NCK2: variants seen among roughly 807,000 people sequenced by gnomAD.
NCK2 encodes the protein cytoplasmic protein NCK2.
In NCK2, 16 loss-of-function variants were observed where a neutral mutation model predicts 33.9. That is an observed-to-expected ratio of 0.47 (90% CI 0.32 to 0.72). NCK2 has a LOEUF of 0.72. NCK2 is among the 30% of genes least tolerant of loss of function. The pLI is 0.03. For synonymous variants in NCK2, 273 were observed against 239.9 expected, an observed-to-expected ratio of 1.14 and a Z score of -1.27; for missense variants, 418 against 537.3, an observed-to-expected ratio of 0.78 and a Z score of 2.19.
chr2:105,883,954 C>T (rs1468376217), intron 4 of NCK2, among the ~76,000 whole-genome samples: 2 of 152,144 alleles, frequency 1.3e-5, no homozygotes, highest in East Asian at 3.8e-4. Flanking sequence ...ATAGCAGCAC[C>T]GTCTTTGTCT....
At chr2:105,851,654 T>C (rs949806757) in intron 2 of NCK2, 2 of 152,390 alleles carry the variant, frequency 1.3e-5, no homozygotes, top group African/African-American at 2.4e-5. Flanking sequence ...CTTTAGCTAC[T>C]GAGGCGTGAT....
At chr2:105,817,260 T>C (rs1333454962) in intron 2 of NCK2, among the ~76,000 whole-genome samples, 1 of 151,724 alleles carries the variant, frequency 6.6e-6, no homozygotes, top group East Asian at 1.9e-4. Flanking sequence ...ATGAAAAACC[T>C]ACTTGTGTAT....
chr2:105,862,237 G>T (rs1677569586), intron 3 of NCK2, among the ~76,000 whole-genome samples: 1 of 152,152 alleles, frequency 6.6e-6, no homozygotes, highest in Non-Finnish European at 1.5e-5. Flanking sequence ...AGACTAGTGG[G>T]AAGGGGGTCG....
At chr2:105,872,445 C>T (rs1014977428) in intron 3 of NCK2, among the ~76,000 whole-genome samples, 6 of 152,134 alleles carry the variant, frequency 3.9e-5, no homozygotes, top group Non-Finnish European at 7.3e-5. Flanking sequence ...CCGTGTCCTG[C>T]GGGACCGAAA....
chr2:105,893,180 C>A lies in NCK2; in HGVS notation c.*4C>A. The A allele has an allele frequency of 1.3e-6, 2 of 1,579,372 alleles. No homozygotes were observed. The highest frequency in any genetic ancestry group is 1.7e-6 in the Non-Finnish European group (2 of 1,161,842). On this transcript the variant is annotated 3_prime_UTR_variant, in exon 5 of 5. Coordinates refer to ENST00000233154, the MANE Select transcript of NCK2 (RefSeq NM_003581.5). Reference sequence around the variant, plus strand: ...CCTCGTCAGGGCCCTGCAGTGACGGCGCCCCGGCCCCACACTCGCCTCCCG... The same window carrying A: ...CCTCGTCAGGGCCCTGCAGTGACGGAGCCCCGGCCCCACACTCGCCTCCCG...
chr2:105,838,485 C>T (rs1676516601), intron 2 of NCK2, among the ~76,000 whole-genome samples: 1 of 151,834 alleles, frequency 6.6e-6, no homozygotes, highest in East Asian at 1.9e-4. Flanking sequence ...TATGTATACT[C>T]CCTGTACTTT....
intron 3 of NCK2, among the ~76,000 whole-genome samples, chr2:105,868,870 T>C (rs576789332): frequency 6.6e-6 from 1 of 152,358 alleles, no homozygotes; most frequent in South Asian, 2.1e-4. Flanking sequence ...GCCAAGCGAC[T>C]TGGCCAGGGC....
intron 2 of NCK2, among the ~76,000 whole-genome samples, chr2:105,837,349 T>C (rs1323067355): frequency 6.6e-6 from 1 of 152,210 alleles, no homozygotes; most frequent in African/African-American, 2.4e-5. Flanking sequence ...TTTATGAAAA[T>C]GGATCTATGT....
chr2:105,807,969 C>G (rs1367541745), intron 1 of NCK2, among the ~76,000 whole-genome samples: 4 of 151,570 alleles, frequency 2.6e-5, no homozygotes, highest in African/African-American at 9.7e-5. Context: ...AGTGTGCGAT[C>G]TCAGCTCACT....
chr2:105,839,437 G>A (rs760251010), intron 2 of NCK2, among the ~76,000 whole-genome samples: 3 of 152,124 alleles, frequency 2.0e-5, no homozygotes, highest in Non-Finnish European at 2.9e-5. Flanking sequence ...AGGCAAGTCT[G>A]TGGGGTTTGC....
intron 1 of NCK2, among the ~76,000 whole-genome samples, chr2:105,815,399 A>T (rs6747023): frequency 7.5e-4 from 114 of 152,220 alleles, no homozygotes; most frequent in Non-Finnish European, 1.2e-3. Flanking sequence ...AACATTTTGG[A>T]TCATAATCAT....
intron 1 of NCK2, among the ~76,000 whole-genome samples, chr2:105,786,778 C>G (rs527318150): frequency 3.3e-5 from 5 of 152,304 alleles, no homozygotes; most frequent in South Asian, 2.1e-4. Context: ...CTGCCTCCCC[C>G]ACGCATTGCT....
At chr2:105,823,991 C>T (rs959559656) in intron 2 of NCK2, among the ~76,000 whole-genome samples, 3 of 152,120 alleles carry the variant, frequency 2.0e-5, no homozygotes, top group South Asian at 2.1e-4. Flanking sequence ...AACTCCAAGT[C>T]AGGAGTCTGC....
At chr2:105,887,684 G>A (rs1678772913) in intron 4 of NCK2, among the ~76,000 whole-genome samples, 1 of 152,186 alleles carries the variant, frequency 6.6e-6, no homozygotes, top group African/African-American at 2.4e-5. Flanking sequence ...AGGAAATAAA[G>A]GATATTAAAG....
At chr2:105,819,309 G>A (rs989239839) in intron 2 of NCK2, among the ~76,000 whole-genome samples, 7 of 148,112 alleles carry the variant, frequency 4.7e-5, no homozygotes, top group African/African-American at 1.7e-4. Flanking sequence ...TCAAACCCAT[G>A]GTAACTCCGT....
intron 1 of NCK2, among the ~76,000 whole-genome samples, chr2:105,775,827 A>G (rs1690281184): frequency 6.6e-6 from 1 of 152,062 alleles, no homozygotes; most frequent in Non-Finnish European, 1.5e-5. Context: ...GTTTTTGTGC[A>G]CTAATCAGGC....
intron 1 of NCK2, among the ~76,000 whole-genome samples, chr2:105,754,945 CTT>C (rs1275465341): frequency 2.6e-5 from 4 of 151,746 alleles, no homozygotes; most frequent in African/African-American, 9.7e-5. Flanking sequence ...CATTTCCATT[CTT>C]TCTTTCCATT....
Position 105,775,387 on chromosome 2 carries a change from C to T in NCK2, c.-201+30249C>T, listed in dbSNP as rs1449260377. On this transcript the variant is annotated intron_variant, in intron 1 of 4. Transcript: ENST00000233154. ...TCTCTGGGCTCCCTATTAGATTATT[C>T]AGATTCCAGGTAGATAGATAATTAT... Among the ~76,000 whole-genome samples, 9 of 152,180 alleles carry T rather than the reference C, an allele frequency of 5.9e-5. No homozygotes were observed. In the East Asian group the frequency reaches 1.7e-3, roughly 29 times the overall value.
intron 2 of NCK2, among the ~76,000 whole-genome samples, chr2:105,819,667 A>C (rs1013596092): frequency 6.6e-5 from 10 of 152,240 alleles, no homozygotes; most frequent in Non-Finnish European, 1.5e-5. Flanking sequence ...ACAAGACGGT[A>C]CATGGAGACC....
Sources: gnomAD v4.1 joint callset for allele counts (sites outside exome capture counted in the v4.1 genomes callset) on GRCh38, gnomAD v4.1.1 for gene constraint, MANE v1.5 for transcripts, NCBI Gene and HGNC (gene_info 2026-07-23, HGNC 2026-07-21) for gene names.